Variants in CFAP44 observed in about 807,000 individuals in gnomAD.
CFAP44 encodes cilia- and flagella-associated protein 44.
In CFAP44, 134 loss-of-function variants were observed where a neutral mutation model predicts 216.2. The ratio of observed to expected loss-of-function variants is 0.62; its 90% CI spans 0.54 to 0.72. The LOEUF (loss-of-function observed/expected upper bound fraction) is 0.72. Ranked by LOEUF, CFAP44 falls within the 30% of genes least tolerant of loss-of-function variation. CFAP44 has a pLI of 0.00. For synonymous variants in CFAP44, 700 were observed against 727.6 expected (o/e 0.96, Z 0.61); for missense variants, 2,035 against 2,182.1 (o/e 0.93, Z 1.34).
intron 15 of CFAP44, among the ~76,000 whole-genome samples, chr3:113,394,176 A>C (rs1362426689): frequency 2.6e-5 from 4 of 152,216 alleles, no homozygotes; most frequent in African/African-American, 9.7e-5. Flanking sequence ...TGACATTAGT[A>C]TAGAATGTGT....
chr3:113,375,679 C>T (rs753920625), intron 17 of CFAP44, among the ~76,000 whole-genome samples: 2 of 152,010 alleles, frequency 1.3e-5, no homozygotes, highest in South Asian at 2.1e-4. Flanking sequence ...CTTTTAACCA[C>T]GCGTGTTGGC....
At position 113,333,462 on chromosome 3, in the gene CFAP44, G is replaced by A. The variant is rs1950256974; in HGVS notation, c.3559C>T (p.His1187Tyr). 2.0e-6 allele frequency: 3 copies of A among 1,536,924 alleles called. No individual in the cohort carries two copies. The highest frequency in any genetic ancestry group is 4.9e-5 in the East Asian group (2 of 40,910). Residue 1187 changes from histidine to tyrosine, a missense_variant, in exon 25 of 35, where the codon CAC (histidine) becomes TAC (tyrosine). His to Tyr is a moderately conservative substitution (Grantham distance 83, BLOSUM62 2). Coordinates refer to ENST00000393845, the MANE Select transcript of CFAP44 (RefSeq NM_001164496.2). ...TTCTTGGCAGCATTTATTCTCATGT[G>A]CTCAGGTATCTTGTAGTCTGGGGCT... ...KTAPDYKIPEHMRINAAKKEE... is the reference protein window; with the variant it reads ...KTAPDYKIPEYMRINAAKKEE...
At chr3:113,302,133 A>G (rs1401823467) in intron 32 of CFAP44, among the ~76,000 whole-genome samples, 3 of 152,080 alleles carry the variant, frequency 2.0e-5, no homozygotes, top group Non-Finnish European at 4.4e-5. Context: ...ATAGTATTTC[A>G]TTGTGTACAT....
chr3:113,399,702 A>G (rs1934089746), intron 13 of CFAP44, among the ~76,000 whole-genome samples: 1 of 152,202 alleles, frequency 6.6e-6, no homozygotes, highest in Admixed American at 6.5e-5. Flanking sequence ...ACAGGTGGCA[A>G]AAAATTTCAC....
At chr3:113,376,193 G>A (rs905666818) in intron 17 of CFAP44, among the ~76,000 whole-genome samples, 5 of 152,126 alleles carry the variant, frequency 3.3e-5, no homozygotes, top group South Asian at 2.1e-4. Flanking sequence ...TAATAACGTC[G>A]AGGTTTTGGC....
At chr3:113,404,262 G>T (rs909207461) in intron 8 of CFAP44, among the ~76,000 whole-genome samples, 1 of 152,122 alleles carries the variant, frequency 6.6e-6, no homozygotes, top group African/African-American at 2.4e-5. Flanking sequence ...GCTGTATGTT[G>T]TTGGTAATTG....
intron 11 of CFAP44, 39 bp from the exon 12 acceptor site, chr3:113,400,683 G>A: frequency 6.5e-7 from 1 of 1,533,460 alleles, no homozygotes; most frequent in South Asian, 1.1e-5. Context: ...CTCAAAGACA[G>A]AGTAACAAAG....
At chr3:113,381,823 A>G (rs1933518177) in intron 15 of CFAP44, among the ~76,000 whole-genome samples, 1 of 152,248 alleles carries the variant, frequency 6.6e-6, no homozygotes, top group Non-Finnish European at 1.5e-5. Flanking sequence ...TAAGAAAAAC[A>G]TATAATATCT....
rs189165633 is a variant in CFAP44, at chr3:113,343,318, C to T, written c.3262+1198G>A. 2.6e-3 allele frequency among the ~76,000 whole-genome samples: 392 copies of T among 152,200 alleles called. 2 individuals are homozygous for T. Among genetic ancestry groups the T allele is most frequent in the Middle Eastern group, 0.024 (7 of 294 alleles). On this transcript the variant is annotated intron_variant, in intron 23 of 34. Transcript: ENST00000393845. The stretch of plus-strand genomic sequence containing the variant: ...CCTCAAGTGATTCACCTGCCTTGGC[C>T]TCCCAAAGTGCTGGGATTACAAGTG...
chr3:113,323,718 A>G (rs1409279191), intron 28 of CFAP44, among the ~76,000 whole-genome samples: 1 of 152,114 alleles, frequency 6.6e-6, no homozygotes. Flanking sequence ...TCCTCAAAAA[A>G]CCACAAACTA....
chr3:113,328,695 T>TAAAAAAAAAAAAAAAAAA lies in CFAP44; in HGVS notation c.4117-877_4117-876insTTTTTTTTTTTTTTTTTT, dbSNP rs1950210721. On this transcript the variant is annotated intron_variant, in intron 26 of 34. Coordinates refer to ENST00000393845, the MANE Select transcript of CFAP44 (RefSeq NM_001164496.2). ...AAACTACCAGAGAAATTTAGAGAGC[T>TAAAAAAAAAAAAAAAAAA]TAAAAAAAAAAAAAAAAAAAAAAAA... Among the ~76,000 whole-genome samples the TAAAAAAAAAAAAAAAAAA allele has an allele frequency of 3.0e-4, 22 of 72,342 alleles. 3 individuals are homozygous for TAAAAAAAAAAAAAAAAAA. Among genetic ancestry groups the TAAAAAAAAAAAAAAAAAA allele is most frequent in the African/African-American group, 2.8e-4 (6 of 21,408 alleles). The allele number at this position is 72,342 out of a possible 152,430, so 47.5% of individuals were successfully genotyped here. A position where few individuals can be genotyped will look rare whatever the true frequency, so the allele number is the denominator to read the frequency against.
chr3:113,413,660 G>T (rs1473554006), intron 6 of CFAP44, among the ~76,000 whole-genome samples: 2 of 152,090 alleles, frequency 1.3e-5, no homozygotes, highest in African/African-American at 4.8e-5. Flanking sequence ...TGTCAGGTTT[G>T]CCAAAGATCA....
intron 15 of CFAP44, among the ~76,000 whole-genome samples, chr3:113,392,419 G>A (rs79147266): frequency 4.6e-5 from 7 of 151,908 alleles, no homozygotes; most frequent in South Asian, 2.1e-4. Flanking sequence ...TGGGTGTGGC[G>A]GGGGGTGGGG....
At chr3:113,346,863 T>G (rs1254308657) in intron 22 of CFAP44, among the ~76,000 whole-genome samples, 5 of 152,190 alleles carry the variant, frequency 3.3e-5, no homozygotes, top group Admixed American at 6.5e-5. Flanking sequence ...GTGGAAGCTT[T>G]GTTTTTTTGC....
intron 29 of CFAP44, among the ~76,000 whole-genome samples, chr3:113,307,396 C>G (rs977750898): frequency 3.9e-5 from 6 of 152,152 alleles, no homozygotes; most frequent in Non-Finnish European, 7.4e-5. Flanking sequence ...ATAAATCACC[C>G]AGAGAGCCCC....
chr3:113,316,866 CT>C (rs531552913), intron 28 of CFAP44, among the ~76,000 whole-genome samples: 1 of 126,296 alleles, frequency 7.9e-6, no homozygotes, highest in African/African-American at 3.1e-5. Context: ...GAGACTCCAT[CT>C]CAAAAAAAAA....
In CFAP44 at chr3:113,409,302, C is replaced by G; in HGVS notation, c.694G>C (p.Ala232Pro). 6.2e-7 allele frequency: 1 copy of G among 1,614,032 alleles called. No individual in the cohort carries two copies. Among genetic ancestry groups the G allele is most frequent in the Non-Finnish European group, 8.5e-7 (1 of 1,179,990 alleles). Residue 232 changes from alanine to proline, a missense_variant, in exon 7 of 35, where the codon GCT (alanine) becomes CCT (proline). This residue lies in a region of CFAP44 where 1,883 missense variants were observed against 2,023.7 expected (regional missense o/e 0.93). Coordinates refer to ENST00000393845, the MANE Select transcript of CFAP44 (RefSeq NM_001164496.2). ...CCGCTGTAGTTAAAGTCCACATAAG[C>G]ATATCCCTTCTCAGTCCCATCTGGA... The part of the protein sequence containing the change: ...VLRDGTEKGY[A>P]YVDFNYSGNL...
chr3:113,411,362 AT>A (rs1367226966), intron 6 of CFAP44, among the ~76,000 whole-genome samples: 1 of 152,146 alleles, frequency 6.6e-6, no homozygotes, highest in Non-Finnish European at 1.5e-5. Flanking sequence ...CTTTCTACAT[AT>A]GGCTAGCCAG....
rs147360661 is a variant in CFAP44, at chr3:113,335,894, T to G, written c.3438-2311A>C. 1.9e-4 allele frequency among the ~76,000 whole-genome samples: 29 copies of G among 152,356 alleles called. No individual in the cohort carries two copies. In the East Asian group the frequency reaches 3.9e-3, roughly 20 times the overall value. ...AACTTAAATTATACAGACTATTTTC[T>G]ATTACCACAAACAACTAAATTAGAA... On this transcript the variant is annotated intron_variant, in intron 24 of 34. Transcript: ENST00000393845.
Sources: allele counts gnomAD v4.1 joint callset (sites outside exome capture counted in the v4.1 genomes callset), GRCh38; gene constraint gnomAD v4.1.1; regional missense constraint gnomAD v4.1.1; transcripts MANE v1.5; gene names NCBI Gene and HGNC (gene_info 2026-07-23, HGNC 2026-07-21).